PDSS1: variants seen among roughly 807,000 people sequenced by gnomAD.
The protein encoded by PDSS1 is decaprenyl diphosphate synthase subunit 1.
In PDSS1, 43 loss-of-function variants were observed where a neutral mutation model predicts 57.5. That is an observed-to-expected ratio of 0.75 (90% CI 0.59 to 0.96). The LOEUF (loss-of-function observed/expected upper bound fraction) is 0.96. Among genes scored for constraint, PDSS1 ranks in the 50% least tolerant of loss-of-function variants. The probability of loss-of-function intolerance (pLI) is 0.00; values close to 1 mark genes in which losing one functional copy is unlikely to be tolerated. For synonymous variants in PDSS1, 175 were observed against 191.3 expected (o/e 0.91, Z 0.70); for missense variants, 438 against 527.8 (o/e 0.83, Z 1.67).
chr10:26,719,166 G>A (rs956925176), intron 5 of PDSS1, among the ~76,000 whole-genome samples: 3 of 152,170 alleles, frequency 2.0e-5, no homozygotes, highest in African/African-American at 2.4e-5. Flanking sequence ...GTTAGTGTGT[G>A]TTTAAATGAG....
At chr10:26,731,678 A>G (rs1836204379) in intron 8 of PDSS1, among the ~76,000 whole-genome samples, 1 of 152,230 alleles carries the variant, frequency 6.6e-6, no homozygotes, top group African/African-American at 2.4e-5. Flanking sequence ...TAAATGTGCC[A>G]TTACACGCTT....
chr10:26,731,730 A>G (rs543840053), intron 8 of PDSS1, among the ~76,000 whole-genome samples: 1 of 152,204 alleles, frequency 6.6e-6, no homozygotes, highest in Non-Finnish European at 1.5e-5. Flanking sequence ...ATTGCAGTGG[A>G]GTTTTAATTT....
At chr10:26,743,158 G>A (rs1445535842) in intron 11 of PDSS1, among the ~76,000 whole-genome samples, 2 of 152,182 alleles carry the variant, frequency 1.3e-5, no homozygotes, top group Non-Finnish European at 2.9e-5. Flanking sequence ...CCATTCAGGG[G>A]CTAGTGGCTT....
intron 1 of PDSS1, among the ~76,000 whole-genome samples, chr10:26,700,284 C>T (rs1053787549): frequency 7.5e-6 from 1 of 132,694 alleles, no homozygotes; most frequent in Non-Finnish European, 1.6e-5. Context: ...GATTGGCACA[C>T]GGCCATGTAT....
intron 8 of PDSS1, among the ~76,000 whole-genome samples, chr10:26,729,388 A>G (rs138622011): frequency 6.8e-4 from 103 of 152,328 alleles, no homozygotes; most frequent in African/African-American, 2.3e-3. Flanking sequence ...AGATACGTGT[A>G]TATCTTTCTG....
chr10:26,709,625 A>C lies in PDSS1; in HGVS notation c.337-13A>C, dbSNP rs754465937. ...TTTTGATGCCATTGTGACACAGAGA[A>C]ACTTTATTTCAGGAACTGCTTATAT... On this transcript the variant is annotated splice_polypyrimidine_tract_variant and intron_variant, in intron 4 of 11. Coordinates refer to ENST00000376215, the MANE Select transcript of PDSS1 (RefSeq NM_014317.5). 6.2e-7 allele frequency: 1 copy of C among 1,613,602 alleles called. No individual in the cohort carries two copies. The highest frequency in any genetic ancestry group is 1.1e-5 in the South Asian group (1 of 91,076).
rs115632124 is a variant in PDSS1 at position 26,745,876 on chromosome 10, T to A, written c.1108-457T>A. ...AAAAGAAAAAAGAAAAAAAAAACTA[T>A]TGGATAAAGTGAGTGCCTTTGGAAG... On this transcript the variant is annotated intron_variant, in intron 11 of 11. Transcript: ENST00000376215. Among the ~76,000 whole-genome samples the A allele has an allele frequency of 4.8e-3, 733 of 151,898 alleles. 5 individuals are homozygous for A. The highest frequency in any genetic ancestry group is 0.017 in the African/African-American group (694 of 41,432).
At chr10:26,713,680 G>A (rs539976000) in intron 5 of PDSS1, among the ~76,000 whole-genome samples, 3 of 152,110 alleles carry the variant, frequency 2.0e-5, no homozygotes, top group East Asian at 1.9e-4. Context: ...ATGGTGTCTG[G>A]GTAGAGAAAG....
At position 26,743,165 on chromosome 10, in the gene PDSS1, G is replaced by A. The variant is rs562944949; in HGVS notation, c.1107+588G>A. Among the ~76,000 whole-genome samples the A allele has an allele frequency of 2.8e-4, 43 of 152,310 alleles. 1 individual carries two copies. In the South Asian group the frequency reaches 5.2e-3, roughly 18 times the overall value. On this transcript the variant is annotated intron_variant, in intron 11 of 11. Coordinates refer to ENST00000376215, the MANE Select transcript of PDSS1 (RefSeq NM_014317.5). ...ATTTAACCCCATTCAGGGGCTAGTG[G>A]CTTGCTTTAAATATATTGCCACGTA... is the stretch of plus-strand genomic sequence containing the variant.
chr10:26,740,966 TTC>T, intron 10 of PDSS1: 1 of 240,174 alleles, frequency 4.2e-6, no homozygotes, highest in South Asian at 5.2e-5. Flanking sequence ...TACCTATTTT[TTC>T]TCTCTCTTCT....
intron 8 of PDSS1, among the ~76,000 whole-genome samples, chr10:26,727,992 C>A (rs1049732293): frequency 6.6e-6 from 1 of 152,180 alleles, no homozygotes; most frequent in Non-Finnish European, 1.5e-5. Flanking sequence ...GTCCTCAGCT[C>A]CTCATACCAG....
Position 26,712,900 on chromosome 10 carries a change from A to C in PDSS1, c.467+3132A>C, listed in dbSNP as rs1835441326. On this transcript the variant is annotated intron_variant, in intron 5 of 11. Coordinates refer to ENST00000376215, the MANE Select transcript of PDSS1 (RefSeq NM_014317.5). ...TCATAATGGAGGGATACTGTTTTAA[A>C]CCTTTGACAATCAAAGTTTAATGGC... 3.1e-5 allele frequency among the ~76,000 whole-genome samples: 3 copies of C among 96,932 alleles called. No homozygotes were observed. In the South Asian group the frequency reaches 8.2e-4, roughly 27 times the overall value. The allele number at this position is 96,932 out of a possible 152,430, so 63.6% of individuals were successfully genotyped here. A position where few individuals can be genotyped will look rare whatever the true frequency, so the allele number is the denominator to read the frequency against.
intron 1 of PDSS1, among the ~76,000 whole-genome samples, chr10:26,699,711 A>T (rs1007022410): frequency 2.6e-5 from 4 of 151,998 alleles, no homozygotes; most frequent in Non-Finnish European, 5.9e-5. Flanking sequence ...ACTTCTTTTT[A>T]AAAAAGTTTC....
At chr10:26,711,209 A>G (rs1393748213) in intron 5 of PDSS1, among the ~76,000 whole-genome samples, 1 of 100,490 alleles carries the variant, frequency 1.0e-5, no homozygotes, top group East Asian at 2.4e-4. Flanking sequence ...TAATCTATTG[A>G]TGGAAATTCC....
chr10:26,719,336 G>A (rs1835704955), intron 5 of PDSS1, among the ~76,000 whole-genome samples: 1 of 152,178 alleles, frequency 6.6e-6, no homozygotes, highest in African/African-American at 2.4e-5. Context: ...GTCTTCTTGA[G>A]CCTACTTATC....
chr10:26,746,127 A>C (rs1836880502), intron 11 of PDSS1, among the ~76,000 whole-genome samples: 1 of 152,224 alleles, frequency 6.6e-6, no homozygotes, highest in African/African-American at 2.4e-5. Context: ...TAATAGAATA[A>C]AAATTTGCTT....
intron 8 of PDSS1, among the ~76,000 whole-genome samples, chr10:26,733,542 C>A (rs918778884): frequency 3.9e-5 from 6 of 152,192 alleles, no homozygotes; most frequent in Non-Finnish European, 4.4e-5. Flanking sequence ...ACATAGTCAA[C>A]AGACCTCATT....
rs1279491230 is a variant in PDSS1, at chr10:26,697,747, C to T, written c.36C>T (p.Cys12=). 9 of 1,294,610 alleles carry T rather than the reference C, an allele frequency of 7.0e-6. 1 individual carries two copies. The highest frequency in any genetic ancestry group is 7.8e-6 in the Non-Finnish European group (8 of 1,026,322). 80.2% of individuals were successfully genotyped at this position (1,294,610 alleles called of 1,614,324 possible). A position where few individuals can be genotyped will look rare whatever the true frequency, so the allele number is the denominator to read the frequency against. ...GCTGGTGGCGGTGGCGGCGCGGCTG[C>T]TCCTGGAAGCCGGCGGCGCGGAGCC... ...ASRWWRWRRG[C]SWKPAARSPG... The change falls in exon 1 of 12, where the codon TGC becomes TGT. Residue 12 remains cysteine (C), a synonymous_variant. Coordinates refer to ENST00000376215, the MANE Select transcript of PDSS1 (RefSeq NM_014317.5).
rs1189799005 is a variant in PDSS1, at chr10:26,712,628, C to G, written c.467+2860C>G. Among the ~76,000 whole-genome samples, 8 of 99,134 alleles carry G rather than the reference C, an allele frequency of 8.1e-5. 3 individuals carry two copies. The highest frequency in any genetic ancestry group is 2.4e-4 in the Admixed American group (2 of 8,338). 65.0% of individuals were successfully genotyped at this position (99,134 alleles called of 152,430 possible). Reference sequence around the variant, plus strand: ...TCTGTGGACTCTTCTGGATCGGGCACTTAAAGGACTAAATATGTAGGTATT... The same window carrying G: ...TCTGTGGACTCTTCTGGATCGGGCAGTTAAAGGACTAAATATGTAGGTATT... On this transcript the variant is annotated intron_variant, in intron 5 of 11. Coordinates refer to ENST00000376215, the MANE Select transcript of PDSS1 (RefSeq NM_014317.5).
Sources: gnomAD v4.1 joint callset for allele counts (sites outside exome capture counted in the v4.1 genomes callset) on GRCh38, gnomAD v4.1.1 for gene constraint, MANE v1.5 for transcripts, NCBI Gene and HGNC (gene_info 2026-07-23, HGNC 2026-07-21) for gene names.